Variants in INSL6 observed in about 807,000 individuals in gnomAD.
The protein encoded by INSL6 is insulin-like peptide INSL6.
Under a neutral mutation model 9.4 loss-of-function variants are expected in INSL6, and 16 were observed. The ratio of observed to expected loss-of-function variants is 1.70; its 90% CI spans 1.15 to 2.59. The LOEUF is 2.59. INSL6 is among the 30% of genes most tolerant of loss of function. The pLI is 0.00. For synonymous variants in INSL6, 154 were observed against 96.9 expected, an observed-to-expected ratio of 1.59 and a Z score of -3.46; for missense variants, 391 against 257.3, an observed-to-expected ratio of 1.52 and a Z score of -3.56.
chr9:5,167,593 G>A (rs1825083989), intron 1 of INSL6, among the ~76,000 whole-genome samples: 2 of 152,302 alleles, frequency 1.3e-5, no homozygotes, highest in South Asian at 4.1e-4. Context: ...CCAGTGGAGG[G>A]TTTATGGATA....
At chr9:5,029,961 T>C in the INSL6 span, 4 of 1,483,370 alleles carry the variant, frequency 2.7e-6, no homozygotes, top group Non-Finnish European at 3.6e-6. Context: ...ATGGGAGAAA[T>C]TATCAAATAT....
the INSL6 span, among the ~76,000 whole-genome samples, chr9:4,992,766 A>G: frequency 2.6e-5 from 4 of 152,340 alleles, no homozygotes; most frequent in East Asian, 7.7e-4. Context: ...TGGAAAAGGC[A>G]CAGGTTATCT....
At chr9:5,162,424 TATC>T (rs1238332741), downstream of INSL6, among the ~76,000 whole-genome samples, 2 of 152,198 alleles carry the variant, frequency 1.3e-5, no homozygotes, top group Non-Finnish European at 2.9e-5. Context: ...ACTTGGTTAA[TATC>T]ATAATTTTCT....
At chr9:5,113,577 C>T in the INSL6 span, 55,804 of 157,228 alleles carry the variant, frequency 0.35, 10,802 homozygotes, top group African/African-American at 0.53. Context: ...TCCATCTTCC[C>T]CTTGATCCCC....
the INSL6 span, among the ~76,000 whole-genome samples, chr9:5,091,842 G>A: frequency 6.6e-6 from 1 of 152,084 alleles, no homozygotes; most frequent in Non-Finnish European, 1.5e-5. Context: ...GGTACTTTAA[G>A]GTTGTTAGTT....
chr9:5,127,667 G>A (rs1397707524), intron 3 of INSL6: 1 of 232,072 alleles, frequency 4.3e-6, no homozygotes, highest in Non-Finnish European at 8.5e-6. Flanking sequence ...TTGAGCTGCT[G>A]ACTGCCAATA....
At chr9:5,034,381 C>T in the INSL6 span, among the ~76,000 whole-genome samples, 1 of 152,120 alleles carries the variant, frequency 6.6e-6, no homozygotes, top group African/African-American at 2.4e-5. Context: ...CAGCTCTGGA[C>T]CAAGCAGACC....
the INSL6 span, among the ~76,000 whole-genome samples, chr9:5,010,931 T>C: frequency 6.6e-6 from 1 of 152,210 alleles, no homozygotes; most frequent in Non-Finnish European, 1.5e-5. Context: ...GGTTGACAGC[T>C]TTCCCCCTCT....
the INSL6 span, among the ~76,000 whole-genome samples, chr9:5,029,229 G>A: frequency 6.6e-6 from 1 of 152,134 alleles, no homozygotes; most frequent in East Asian, 1.9e-4. Flanking sequence ...GAATAGAGAG[G>A]CCTAAGGAGA....
chr9:5,050,640 TAATG>T, the INSL6 span: 8 of 1,544,998 alleles, frequency 5.2e-6, no homozygotes, highest in Non-Finnish European at 7.1e-6. Flanking sequence ...TAAAACATGA[TAATG>T]AAACTTACGA....
chr9:5,001,383 A>T, the INSL6 span, among the ~76,000 whole-genome samples: 2 of 152,094 alleles, frequency 1.3e-5, no homozygotes, highest in East Asian at 3.8e-4. Context: ...TATTTCCAGA[A>T]ATTTTATCAT....
At chr9:5,011,898 T>C in the INSL6 span, among the ~76,000 whole-genome samples, 8 of 152,186 alleles carry the variant, frequency 5.3e-5, no homozygotes, top group Non-Finnish European at 2.9e-5. Flanking sequence ...CAAGTGTGGC[T>C]TTTCTGGCGT....
chr9:5,041,946 G>A, the INSL6 span: 2 of 384,116 alleles, frequency 5.2e-6, no homozygotes, highest in Admixed American at 7.2e-5. Context: ...TCTTCCCCCT[G>A]AATCTTCTCC....
At chr9:5,007,859 C>G in the INSL6 span, among the ~76,000 whole-genome samples, 98 of 152,110 alleles carry the variant, frequency 6.4e-4, no homozygotes, top group Non-Finnish European at 1.1e-3. Context: ...TCCCAAGTAG[C>G]TGGGATTACA....
chr9:5,160,276 A>G (rs868099189), downstream of INSL6, among the ~76,000 whole-genome samples: 13 of 152,248 alleles, frequency 8.5e-5, no homozygotes, highest in South Asian at 6.2e-4. Flanking sequence ...CAATAAAACT[A>G]GAAAGCAAAA....
chr9:5,032,108 G>A, the INSL6 span, among the ~76,000 whole-genome samples: 2 of 152,138 alleles, frequency 1.3e-5, no homozygotes, highest in Non-Finnish European at 2.9e-5. Flanking sequence ...CATATCCCGC[G>A]CCTGGCTCAG....
chr9:5,019,709 A>T, the INSL6 span, among the ~76,000 whole-genome samples: 4 of 152,116 alleles, frequency 2.6e-5, no homozygotes, highest in African/African-American at 9.7e-5. Flanking sequence ...TTTTTCCTGA[A>T]GATTTGACTG....
chr9:5,010,763 T>G, the INSL6 span, among the ~76,000 whole-genome samples: 1 of 152,246 alleles, frequency 6.6e-6, no homozygotes, highest in Non-Finnish European at 1.5e-5. Flanking sequence ...TGATTTTCTT[T>G]ATCAGTTCTT....
At chr9:5,031,851 T>C in the INSL6 span, among the ~76,000 whole-genome samples, 2,803 of 152,302 alleles carry the variant, frequency 0.018, 26 homozygotes, top group South Asian at 0.033. Flanking sequence ...GACGGGTGAT[T>C]TCTGCATTTC....
Sources: allele counts gnomAD v4.1 joint callset (sites outside exome capture counted in the v4.1 genomes callset), GRCh38; gene constraint gnomAD v4.1.1; transcripts MANE v1.5; gene names NCBI Gene and HGNC (gene_info 2026-07-23, HGNC 2026-07-21).